GALNT13: variants seen among roughly 807,000 people sequenced by gnomAD.
GALNT13 encodes the protein polypeptide N-acetylgalactosaminyltransferase 13, also known as UDP-GalNAc:polypeptide N-acetylgalactosaminyltransferase 13.
In GALNT13, 28 loss-of-function variants were observed where a neutral mutation model predicts 64.2. The ratio of observed to expected loss-of-function variants is 0.44; its 90% CI spans 0.32 to 0.60. The LOEUF (loss-of-function observed/expected upper bound fraction) is 0.60, where lower values mean the gene tolerates loss of function less well. Ranked by LOEUF, GALNT13 falls within the 20% of genes least tolerant of loss-of-function variation. The probability of loss-of-function intolerance (pLI) is 0.05; values close to 1 mark genes in which losing one functional copy is unlikely to be tolerated. For missense variants in GALNT13, 577 were observed against 669.8 expected, an observed-to-expected ratio of 0.86 and a Z score of 1.53; for synonymous variants, 214 against 224.6, an observed-to-expected ratio of 0.95 and a Z score of 0.42.
the GALNT13 span, among the ~76,000 whole-genome samples, chr2:153,083,292 T>C: frequency 7.9e-5 from 12 of 152,242 alleles, no homozygotes; most frequent in Non-Finnish European, 1.3e-4. Context: ...TTAAGGAATC[T>C]CTTAAGTTCT....
the GALNT13 span, among the ~76,000 whole-genome samples, chr2:153,815,147 TTC>T: frequency 6.6e-6 from 1 of 152,180 alleles, no homozygotes; most frequent in Non-Finnish European, 1.5e-5. Flanking sequence ...TAACAAGTCT[TTC>T]TCAGATGGAC....
chr2:153,110,872 A>T, the GALNT13 span, among the ~76,000 whole-genome samples: 1 of 152,168 alleles, frequency 6.6e-6, no homozygotes, highest in African/African-American at 2.4e-5. Flanking sequence ...GAGTTTTAGA[A>T]AAAATCATTT....
chr2:153,223,947 G>A, the GALNT13 span, among the ~76,000 whole-genome samples: 10 of 152,198 alleles, frequency 6.6e-5, no homozygotes, highest in Admixed American at 5.2e-4. Context: ...TGTAGCCTGG[G>A]TGACAGAGTG....
At chr2:154,068,411 TCC>T (rs1700576641) in intron 3 of GALNT13, among the ~76,000 whole-genome samples, 8 of 151,932 alleles carry the variant, frequency 5.3e-5, no homozygotes, top group Admixed American at 5.3e-4. Context: ...ATAGACATAC[TCC>T]CATGTTTATT....
the GALNT13 span, among the ~76,000 whole-genome samples, chr2:153,077,928 A>T: frequency 2.0e-5 from 3 of 152,314 alleles, no homozygotes; most frequent in Middle Eastern, 0.01. Context: ...CACCTTTGTG[A>T]TGCTGGATCT....
chr2:153,326,022 G>A, the GALNT13 span, among the ~76,000 whole-genome samples: 1 of 152,166 alleles, frequency 6.6e-6, no homozygotes, highest in Non-Finnish European at 1.5e-5. Flanking sequence ...TTGGGTTGGT[G>A]CGGAGCTGAG....
At chr2:153,688,988 A>AGG in the GALNT13 span, among the ~76,000 whole-genome samples, 9 of 97,170 alleles carry the variant, frequency 9.3e-5, no homozygotes, top group Non-Finnish European at 1.2e-4. Context: ...AGGTAGAGGT[A>AGG]GGGGTGTGTG....
At chr2:154,063,267 A>G (rs574410158) in intron 3 of GALNT13, among the ~76,000 whole-genome samples, 2 of 152,314 alleles carry the variant, frequency 1.3e-5, no homozygotes, top group East Asian at 3.9e-4. Context: ...AGCCAGTGTT[A>G]TAACCAAACA....
the GALNT13 span, among the ~76,000 whole-genome samples, chr2:153,722,770 T>C: frequency 6.6e-6 from 1 of 152,136 alleles, no homozygotes. Context: ...GTTGAATCTC[T>C]GAATGGACCA....
intron 3 of GALNT13, among the ~76,000 whole-genome samples, chr2:154,111,985 G>C (rs562016351): frequency 3.9e-5 from 6 of 152,156 alleles, no homozygotes; most frequent in Non-Finnish European, 5.9e-5. Context: ...CATGATGGTG[G>C]ATAAGGCATT....
At chr2:153,137,195 G>T in the GALNT13 span, among the ~76,000 whole-genome samples, 1 of 152,058 alleles carries the variant, frequency 6.6e-6, no homozygotes. Context: ...CCACGTTTTT[G>T]AAAAGGAATT....
At chr2:154,162,975 T>TTA (rs1491103415) in intron 4 of GALNT13, among the ~76,000 whole-genome samples, 7 of 139,138 alleles carry the variant, frequency 5.0e-5, no homozygotes, top group African/African-American at 2.0e-4. Context: ...TATTTTTCTA[T>TTA]TTTTTTTTTT....
chr2:153,922,174 T>A (rs1028294371), intron 2 of GALNT13, among the ~76,000 whole-genome samples: 1 of 152,130 alleles, frequency 6.6e-6, no homozygotes, highest in Non-Finnish European at 1.5e-5. Context: ...AATCAGAGAA[T>A]TTTTGTACTG....
chr2:153,464,887 G>A, the GALNT13 span, among the ~76,000 whole-genome samples: 15 of 151,976 alleles, frequency 9.9e-5, no homozygotes, highest in Non-Finnish European at 2.1e-4. Flanking sequence ...GGTGATGTAC[G>A]AAGAATAATA....
At chr2:154,176,293 G>T (rs866031307) in intron 4 of GALNT13, among the ~76,000 whole-genome samples, 6 of 115,524 alleles carry the variant, frequency 5.2e-5, no homozygotes, top group Admixed American at 2.5e-4. Context: ...ATTTATTTAT[G>T]GGATGGAGTC....
the GALNT13 span, among the ~76,000 whole-genome samples, chr2:153,729,730 T>A: frequency 6.6e-6 from 1 of 152,014 alleles, no homozygotes; most frequent in Non-Finnish European, 1.5e-5. Context: ...TAAAAAATCC[T>A]AAAGAGTCAT....
chr2:153,354,813 A>G, the GALNT13 span, among the ~76,000 whole-genome samples: 1 of 152,166 alleles, frequency 6.6e-6, no homozygotes, highest in South Asian at 2.1e-4. Context: ...TCTTCCCTAT[A>G]TCATTCTCCT....
chr2:154,214,661 T>C (rs2105808341), intron 4 of GALNT13, among the ~76,000 whole-genome samples: 1 of 152,316 alleles, frequency 6.6e-6, no homozygotes, highest in South Asian at 2.1e-4. Context: ...TCAGCACTTC[T>C]TCTTCCTGCC....
chr2:153,173,590 T>G, the GALNT13 span, among the ~76,000 whole-genome samples: 1 of 151,812 alleles, frequency 6.6e-6, no homozygotes. Flanking sequence ...GGTTACATTC[T>G]GAGGTACTAG....
Sources: allele counts gnomAD v4.1 joint callset (sites outside exome capture counted in the v4.1 genomes callset), GRCh38; gene constraint gnomAD v4.1.1; transcripts MANE v1.5; gene names NCBI Gene and HGNC (gene_info 2026-07-23, HGNC 2026-07-21).